PRLR: variants seen among roughly 807,000 people sequenced by gnomAD.
PRLR encodes hPRL receptor.
Under a neutral mutation model 40.2 loss-of-function variants are expected in PRLR, and 13 were observed. The observed-to-expected ratio is 0.32, with a 90% CI of 0.21 to 0.51. PRLR has a LOEUF of 0.51. Among genes scored for constraint, PRLR ranks in the 20% least tolerant of loss-of-function variants. The pLI, the probability that PRLR is intolerant of heterozygous loss-of-function variation, is 0.97. For missense variants in PRLR, 656 were observed against 747.3 expected (o/e 0.88, Z 1.42); for synonymous variants, 269 against 278.7 (o/e 0.97, Z 0.35).
intron 1 of PRLR, chr5:35,152,759 G>GA (rs2111869887): frequency 6.6e-6 from 1 of 152,218 alleles, no homozygotes; most frequent in South Asian, 2.1e-4. Context: ...CAACAAAAGA[G>GA]AAAAACAATC....
chr5:35,070,791 C>T (rs1216396475), intron 6 of PRLR, among the ~76,000 whole-genome samples: 1 of 144,184 alleles, frequency 6.9e-6, no homozygotes, highest in Non-Finnish European at 1.5e-5. Context: ...TTCAGTGAGC[C>T]GAGATCGTGC....
intron 1 of PRLR, among the ~76,000 whole-genome samples, chr5:35,159,118 A>C (rs529243522): frequency 5.3e-5 from 8 of 152,260 alleles, no homozygotes; most frequent in Admixed American, 5.2e-4. Flanking sequence ...GCATGGAAAA[A>C]GCAATACGAA....
rs1769173190 is a variant in PRLR at position 35,063,593 on chromosome 5, A to G, written c.*1496T>C. On this transcript the variant is annotated 3_prime_UTR_variant, in exon 10 of 10. Coordinates refer to ENST00000618457, the MANE Select transcript of PRLR (RefSeq NM_000949.7). ...CTGGGAAGCAAATACCTAGTTTCCC[A>G]GAACTTTTATTTGGACACTTCTGAT... 1 of 152,204 alleles carries G rather than the reference A, an allele frequency of 6.6e-6. No homozygotes were observed. Among genetic ancestry groups the G allele is most frequent in the Non-Finnish European group, 1.5e-5 (1 of 68,026 alleles). The allele number at this position is 152,204 out of a possible 1,614,324, so 9.4% of individuals were successfully genotyped here.
intron 2 of PRLR, among the ~76,000 whole-genome samples, chr5:35,102,620 G>A (rs1041908762): frequency 6.7e-6 from 1 of 148,888 alleles, no homozygotes; most frequent in Non-Finnish European, 1.5e-5. Flanking sequence ...TTGGCTCACT[G>A]CAACCTCCAA....
chr5:35,050,607 G>A (rs1158286312), intron 8 of PRLR, among the ~76,000 whole-genome samples: 2 of 152,136 alleles, frequency 1.3e-5, no homozygotes, highest in Non-Finnish European at 2.9e-5. Context: ...GGGAAACTTG[G>A]AAATTCTGTT....
At chr5:35,093,286 C>T (rs1375754352) in intron 2 of PRLR, among the ~76,000 whole-genome samples, 1 of 152,130 alleles carries the variant, frequency 6.6e-6, no homozygotes, top group East Asian at 1.9e-4. Context: ...TAAAAATAAA[C>T]CAGATCTGAG....
chr5:35,157,368 A>G (rs2111890208), intron 1 of PRLR, among the ~76,000 whole-genome samples: 1 of 152,284 alleles, frequency 6.6e-6, no homozygotes, highest in Non-Finnish European at 1.5e-5. Flanking sequence ...GGACATCAGG[A>G]TACTTCAAGG....
intron 1 of PRLR, among the ~76,000 whole-genome samples, chr5:35,173,145 G>T (rs1053426743): frequency 6.6e-6 from 1 of 152,090 alleles, no homozygotes; most frequent in Non-Finnish European, 1.5e-5. Context: ...TGATTCAAAC[G>T]TTCTCCTATC....
At chr5:35,134,775 T>A (rs2962094) in intron 1 of PRLR, among the ~76,000 whole-genome samples, 1 of 152,022 alleles carries the variant, frequency 6.6e-6, no homozygotes, top group Non-Finnish European at 1.5e-5. Flanking sequence ...ACAGTGAGTC[T>A]CCAGTGATGC....
At chr5:35,049,106 T>C (rs1019160908) in exon 9 of PRLR, 1 of 690,822 alleles carries the variant, frequency 1.4e-6, no homozygotes, top group Admixed American at 2.0e-5. Flanking sequence ...TCCCAGTCAA[T>C]TCTGCTTTGG....
At chr5:35,115,701 C>T (rs897076775) in intron 2 of PRLR, among the ~76,000 whole-genome samples, 1 of 151,452 alleles carries the variant, frequency 6.6e-6, no homozygotes, top group African/African-American at 2.4e-5. Flanking sequence ...ATCTGGTATG[C>T]CAGGCAAAGA....
At chr5:35,180,088 T>C (rs6881308) in intron 1 of PRLR, among the ~76,000 whole-genome samples, 46,929 of 151,848 alleles carry the variant, frequency 0.31, 7,556 homozygotes, top group African/African-American at 0.39. Flanking sequence ...TCATAAGGAG[T>C]GTGCAACCTA....
chr5:35,063,769 C>T lies in PRLR; in HGVS notation c.*1320G>A, dbSNP rs981528281. The T allele has an allele frequency of 6.6e-6, 1 of 152,190 alleles. No individual in the cohort carries two copies. Among genetic ancestry groups the T allele is most frequent in the African/African-American group, 2.4e-5 (1 of 41,524 alleles). 9.4% of individuals were successfully genotyped at this position (152,190 alleles called of 1,614,324 possible). ...TTAAACAGCTGTTAGAAATCGTCGC[C>T]CTCCCTTTTTATGGTAGCTTTAGGA... On this transcript the variant is annotated 3_prime_UTR_variant, in exon 10 of 10. Transcript: ENST00000618457.
intron 1 of PRLR, among the ~76,000 whole-genome samples, chr5:35,143,314 T>A (rs183193879): frequency 4.3e-4 from 65 of 152,362 alleles, no homozygotes; most frequent in Admixed American, 9.8e-4. Context: ...AAAATGGTTC[T>A]AAAACTTTAT....
intron 1 of PRLR, among the ~76,000 whole-genome samples, chr5:35,158,452 C>T (rs558653140): frequency 7.9e-5 from 12 of 152,158 alleles, no homozygotes; most frequent in Non-Finnish European, 1.8e-4. Context: ...ATATTAAGTA[C>T]ACAAGAATAA....
rs752370934 is a variant in PRLR, at chr5:35,063,611, C to T, written c.*1478G>A. Reference sequence around the variant, plus strand: ...GTTTCCCAGAACTTTTATTTGGACACTTCTGATATGAGCCATTTCTGCCTC... The same window carrying T: ...GTTTCCCAGAACTTTTATTTGGACATTTCTGATATGAGCCATTTCTGCCTC... On this transcript the variant is annotated 3_prime_UTR_variant, in exon 10 of 10. Coordinates refer to ENST00000618457, the MANE Select transcript of PRLR (RefSeq NM_000949.7). The T allele has an allele frequency of 9.2e-5, 14 of 152,174 alleles. No individual in the cohort carries two copies. Among genetic ancestry groups the T allele is most frequent in the African/African-American group, 1.4e-4 (6 of 41,434 alleles). 9.4% of individuals were successfully genotyped at this position (152,174 alleles called of 1,614,324 possible).
At chr5:35,157,080 C>A (rs1453838477) in intron 1 of PRLR, among the ~76,000 whole-genome samples, 2 of 151,928 alleles carry the variant, frequency 1.3e-5, no homozygotes, top group Non-Finnish European at 2.9e-5. Context: ...AATGAGATAT[C>A]TTGGGAAAAA....
chr5:35,094,285 C>T (rs1771399015), intron 2 of PRLR, among the ~76,000 whole-genome samples: 1 of 150,952 alleles, frequency 6.6e-6, no homozygotes, highest in African/African-American at 2.5e-5. Flanking sequence ...ACATGCATTT[C>T]TTGAGTGTGT....
rs1162417617 is a variant in PRLR at position 35,060,983 on chromosome 5, A to G, written c.*4106T>C. On this transcript the variant is annotated 3_prime_UTR_variant, in exon 10 of 10. Transcript: ENST00000618457. ...CTTATCAGGCAAAGTAAGTCACACT[A>G]TTCACAACAGCTCTGTGTTGATTCA... The G allele has an allele frequency of 2.0e-5, 3 of 152,186 alleles. No homozygotes were observed. The allele number at this position is 152,186 out of a possible 1,614,324, so 9.4% of individuals were successfully genotyped here.
Sources: allele counts gnomAD v4.1 joint callset (sites outside exome capture counted in the v4.1 genomes callset), GRCh38; gene constraint gnomAD v4.1.1; transcripts MANE v1.5; gene names NCBI Gene and HGNC (gene_info 2026-07-23, HGNC 2026-07-21).